POLR1H: variants seen among roughly 807,000 people sequenced by gnomAD.
POLR1H encodes the protein DNA-directed RNA polymerase I subunit RPA12.
POLR1H carries 5 observed loss-of-function variants against 15.8 expected under a neutral mutation model. That is an observed-to-expected ratio of 0.32 (90% CI 0.17 to 0.67). POLR1H has a LOEUF of 0.67. Among genes scored for constraint, POLR1H ranks in the 30% least tolerant of loss-of-function variants. The pLI is 0.74. For missense variants in POLR1H, 100 were observed against 163.4 expected, an observed-to-expected ratio of 0.61 and a Z score of 2.11; for synonymous variants, 43 against 58.3, an observed-to-expected ratio of 0.74 and a Z score of 1.20.
Position 30,063,979 on chromosome 6 carries a change from A to G in POLR1H, c.357-694A>G, listed in dbSNP as rs1030070849. ...ATTTTTTCTTTTCTTGTTCACTTTT[A>G]CAAGAAAGGGCAGCCTTTTGCAGTT... On this transcript the variant is annotated intron_variant, in intron 3 of 3. Transcript: ENST00000332435. This position sits in a 1 kb window ranked among gnomAD's most constrained non-coding sequence, Gnocchi z 4.1. Among the ~76,000 whole-genome samples, 3 of 152,140 alleles carry G rather than the reference A, an allele frequency of 2.0e-5. No individual in the cohort carries two copies. The highest frequency in any genetic ancestry group is 4.4e-5 in the Non-Finnish European group (3 of 68,024).
In POLR1H at chr6:30,063,833, G is replaced by A. The variant is rs1407799485; in HGVS notation, c.357-840G>A. Among the ~76,000 whole-genome samples the A allele has an allele frequency of 6.6e-6, 1 of 152,214 alleles. No homozygotes were observed. Among genetic ancestry groups the A allele is most frequent in the African/African-American group, 2.4e-5 (1 of 41,454 alleles). On this transcript the variant is annotated intron_variant, in intron 3 of 3. Coordinates refer to ENST00000332435, the MANE Select transcript of POLR1H (RefSeq NM_170783.4). This position sits in a 1 kb window ranked among gnomAD's most constrained non-coding sequence, Gnocchi z 4.1. ...GGCTTCATGTTTTTTGGAGCAGACA[G>A]ATAGTATGAATTTGAGCTGCAAATC...
chr6:30,061,954 C>G lies in POLR1H; in HGVS notation c.183C>G (p.Phe61Leu). 6.2e-7 allele frequency: 1 copy of G among 1,613,084 alleles called. No homozygotes were observed. Among genetic ancestry groups the G allele is most frequent in the South Asian group, 1.1e-5 (1 of 91,080 alleles). Residue 61 changes from phenylalanine to leucine, a missense_variant, in exon 2 of 4, where the codon TTC (phenylalanine) becomes TTG (leucine). Transcript: ENST00000332435. The surrounding 1 kb of genome is among the most constrained non-coding windows in gnomAD (Gnocchi z 5.0). Reference protein sequence around the residue: ...EGKVVKTSVVFHQLGTAMPMS... With the variant: ...EGKVVKTSVVLHQLGTAMPMS... ...AGGTTGTGAAGACTTCGGTTGTGTTCCACCAACTGGGGACAGCCATGCCTA... is the reference window on the plus strand; with the variant it reads ...AGGTTGTGAAGACTTCGGTTGTGTTGCACCAACTGGGGACAGCCATGCCTA...
Position 30,064,045 on chromosome 6 carries a change from T to C in POLR1H, c.357-628T>C, listed in dbSNP as rs375755578. 2.5e-4 allele frequency among the ~76,000 whole-genome samples: 38 copies of C among 152,302 alleles called. 1 individual carries two copies. In the East Asian group the frequency reaches 3.5e-3, roughly 14 times the overall value. Reference sequence around the variant, plus strand: ...GGGATCTCCTATCAGACCTTATACATTTTGTCCCTCATTTCCTATGCTTCC... The same window carrying C: ...GGGATCTCCTATCAGACCTTATACACTTTGTCCCTCATTTCCTATGCTTCC... On this transcript the variant is annotated intron_variant, in intron 3 of 3. Transcript: ENST00000332435.
Position 30,062,268 on chromosome 6 carries a change from C to T in POLR1H, c.291C>T (p.Tyr97=), listed in dbSNP as rs902430005. ...GATGTGGTCATGAAGGAATGGCATA[C>T]CACACCAGACAGATGCGTTCAGCCG... ...CPRCGHEGMA[Y]HTRQMRSADE... Residue 97 remains tyrosine (Y), a synonymous_variant, in exon 3 of 4, where the codon TAC becomes TAT. Transcript: ENST00000332435. 3 of 1,612,992 alleles carry T rather than the reference C, an allele frequency of 1.9e-6. No individual in the cohort carries two copies. In the African/African-American group the frequency reaches 4.0e-5, roughly 22 times the overall value.
At chr6:30,062,714 C>CTTTTTTTT (rs9278555) in intron 3 of POLR1H, among the ~76,000 whole-genome samples, 24 of 42,388 alleles carry the variant, frequency 5.7e-4, no homozygotes, top group East Asian at 3.8e-3. Flanking sequence ...CCACGCCTGG[C>CTTTTTTTT]TTTTTTTTTT....
In POLR1H at chr6:30,064,677, C is replaced by T. The variant is rs1465313012; in HGVS notation, c.361C>T (p.Gln121Ter). ...AAGTCCTTTCTTTCCTCATAGGTTC[C>T]AGGAGAAGGAAGACTCTTGACCTTT... ...VFYTCTNCKFQEKEDS is the reference protein window; with the variant it reads ...VFYTCTNCKF The change falls in exon 4 of 4, where the codon CAG (glutamine) becomes TAG (stop). Residue 121 changes from glutamine (Q) to a stop codon, truncating the protein, a stop_gained. Coordinates refer to ENST00000332435, the MANE Select transcript of POLR1H (RefSeq NM_170783.4). LOFTEE classifies it high-confidence loss of function. The T allele has an allele frequency of 1.9e-6, 3 of 1,607,552 alleles. No homozygotes were observed. In the South Asian group the frequency reaches 3.3e-5, roughly 18 times the overall value.
rs1765380952 is a variant in POLR1H at position 30,064,843 on chromosome 6, C to T, written c.*146C>T. On this transcript the variant is annotated 3_prime_UTR_variant, in exon 4 of 4. Transcript: ENST00000332435. ...TCATCATGTGGGGATTACCATTGTT[C>T]CTGGAGTACTCCTACCCTTAGTTGA... 5 of 598,976 alleles carry T rather than the reference C, an allele frequency of 8.3e-6. No individual in the cohort carries two copies. Among genetic ancestry groups the T allele is most frequent in the South Asian group, 2.4e-5 (1 of 41,964 alleles). The allele number at this position is 598,976 out of a possible 1,614,324, so 37.1% of individuals were successfully genotyped here. A position where few individuals can be genotyped will look rare whatever the true frequency, so the allele number is the denominator to read the frequency against.
At chr6:30,062,714 CTTTTTTTTTTTTTTT>C (rs9278555) in intron 3 of POLR1H, among the ~76,000 whole-genome samples, 42 of 42,388 alleles carry the variant, frequency 9.9e-4, no homozygotes, top group Admixed American at 1.8e-3. Flanking sequence ...CCACGCCTGG[CTTTTTTTTTTTTTTT>C]TTTTTTTTTT....
In POLR1H at chr6:30,062,031, A is replaced by G; in HGVS notation, c.246+14A>G. The G allele has an allele frequency of 6.2e-7, 1 of 1,609,278 alleles. No homozygotes were observed. The highest frequency in any genetic ancestry group is 1.1e-5 in the South Asian group (1 of 91,022). ...CAGGGACCTGTGGTAAGCTAATGAG[A>G]TCAAGAACTGGCTCCATAAGGTGGG... On this transcript the variant is annotated intron_variant, in intron 2 of 3. Transcript: ENST00000332435.
At chr6:30,060,660 T>C (rs1316756458), upstream of POLR1H, 1 of 152,276 alleles carries the variant, frequency 6.6e-6, no homozygotes, top group African/African-American at 2.4e-5. Flanking sequence ...ACTTCATCCC[T>C]GCTTCCTTTC....
intron 2 of POLR1H, 98 bp from the exon 3 acceptor site, chr6:30,062,126 G>A (rs1765128556): frequency 6.9e-7 from 1 of 1,447,096 alleles, no homozygotes; most frequent in Admixed American, 1.7e-5. Context: ...AGGGAAAAGA[G>A]ATGTAAACCA....
chr6:30,061,877 T>G lies in POLR1H; in HGVS notation c.146-40T>G. On this transcript the variant is annotated intron_variant, in intron 1 of 3. Transcript: ENST00000332435. This position sits in a 1 kb window ranked among gnomAD's most constrained non-coding sequence, Gnocchi z 5.0. Reference sequence around the variant, plus strand: ...GGGGAGGTTTCCGGTGTCAGCTCTCTCTGGTTGTCTCCATAACCAGTTCTT... The same window carrying G: ...GGGGAGGTTTCCGGTGTCAGCTCTCGCTGGTTGTCTCCATAACCAGTTCTT... 1 of 1,600,078 alleles carries G rather than the reference T, an allele frequency of 6.2e-7. No homozygotes were observed. The highest frequency in any genetic ancestry group is 1.1e-5 in the South Asian group (1 of 90,762).
At position 30,061,826 on chromosome 6, in the gene POLR1H, C is replaced by T. The variant is rs1765099851; in HGVS notation, c.146-91C>T. ...AAAACTGAGGGAAAGGATGTAGGGC[C>T]TCCTGGCCTAACCAGCCAGGGGAAA... On this transcript the variant is annotated intron_variant, in intron 1 of 3. Coordinates refer to ENST00000332435, the MANE Select transcript of POLR1H (RefSeq NM_170783.4). This position sits in a 1 kb window ranked among gnomAD's most constrained non-coding sequence, Gnocchi z 5.0. 1.3e-6 allele frequency: 2 copies of T among 1,556,084 alleles called. No individual in the cohort carries two copies. The highest frequency in any genetic ancestry group is 1.7e-5 in the Admixed American group (1 of 58,292).
At position 30,062,306 on chromosome 6, in the gene POLR1H, CTG is replaced by C; in HGVS notation, c.331_332del (p.Val111LeufsTer72). ...ATGCGTTCAGCCGATGAAGGGCAAA[CTG>C]TCTTCTACACCTGTACCAACTGCAA... On this transcript the variant is annotated frameshift_variant, in exon 3 of 4. Coordinates refer to ENST00000332435, the MANE Select transcript of POLR1H (RefSeq NM_170783.4). LOFTEE classifies it high-confidence loss of function. The C allele has an allele frequency of 6.2e-7, 1 of 1,612,760 alleles. No individual in the cohort carries two copies. The highest frequency in any genetic ancestry group is 1.1e-5 in the South Asian group (1 of 91,072).
chr6:30,063,969 G>T lies in POLR1H; in HGVS notation c.357-704G>T, dbSNP rs1291441912. On this transcript the variant is annotated intron_variant, in intron 3 of 3. Transcript: ENST00000332435. This position sits in a 1 kb window ranked among gnomAD's most constrained non-coding sequence, Gnocchi z 4.1. ...ATAGAGTTGAATTTTTTCTTTTCTT[G>T]TTCACTTTTACAAGAAAGGGCAGCC... 1.3e-5 allele frequency among the ~76,000 whole-genome samples: 2 copies of T among 151,906 alleles called. No homozygotes were observed. The highest frequency in any genetic ancestry group is 4.8e-5 in the African/African-American group (2 of 41,340).
chr6:30,061,692 T>C lies in POLR1H; in HGVS notation c.145+23T>C. ...GGGGTGAGAGGCTTGTACGCAGGGG[T>C]CCTGGCGGAGGGCGCAGGGTCGGAA... On this transcript the variant is annotated intron_variant, in intron 1 of 3. Transcript: ENST00000332435. The surrounding 1 kb of genome is among the most constrained non-coding windows in gnomAD (Gnocchi z 5.0). 1 of 1,611,868 alleles carries C rather than the reference T, an allele frequency of 6.2e-7. No individual in the cohort carries two copies. Among genetic ancestry groups the C allele is most frequent in the Non-Finnish European group, 8.5e-7 (1 of 1,179,252 alleles).
Position 30,061,633 on chromosome 6 carries a change from A to C in POLR1H, c.109A>C (p.Thr37Pro). Residue 37 changes from threonine (T) to proline (P), a missense_variant, in exon 1 of 4, where the codon ACC becomes CCC. Transcript: ENST00000332435. This position sits in a 1 kb window ranked among gnomAD's most constrained non-coding sequence, Gnocchi z 5.0. ...TCTGCCCGGGGCTCAGGATACGGTC[A>C]CCTGTATTCGCTGTGGCTTCAACAT... ...LPLPGAQDTV[T>P]CIRCGFNINV... 1 of 1,613,020 alleles carries C rather than the reference A, an allele frequency of 6.2e-7. No individual in the cohort carries two copies. Among genetic ancestry groups the C allele is most frequent in the Non-Finnish European group, 8.5e-7 (1 of 1,180,032 alleles).
chr6:30,064,718 A>G lies in POLR1H; in HGVS notation c.*21A>G, dbSNP rs1048412. Reference sequence around the variant, plus strand: ...CTTGACCTTTTTCCTGGGCAACTCTACAGTCCCTCCCTCCTTTCGGAAGGT... The same window carrying G: ...CTTGACCTTTTTCCTGGGCAACTCTGCAGTCCCTCCCTCCTTTCGGAAGGT... On this transcript the variant is annotated 3_prime_UTR_variant, in exon 4 of 4. Coordinates refer to ENST00000332435, the MANE Select transcript of POLR1H (RefSeq NM_170783.4). 0.12 allele frequency: 199,931 copies of G among 1,605,336 alleles called. 15,601 individuals are homozygous for G. Among genetic ancestry groups the G allele is most frequent in the African/African-American group, 0.27 (20,399 of 74,464 alleles).
At chr6:30,060,843 G>A (rs1018203213), upstream of POLR1H, 1 of 152,184 alleles carries the variant, frequency 6.6e-6, no homozygotes, top group Non-Finnish European at 1.5e-5. Context: ...AGAACTATAC[G>A]TCCCAGAACA....
Sources: allele counts gnomAD v4.1 joint callset (sites outside exome capture counted in the v4.1 genomes callset), GRCh38; gene constraint gnomAD v4.1.1; non-coding constraint Gnocchi (gnomAD v3.1); transcripts MANE v1.5; gene names NCBI Gene and HGNC (gene_info 2026-07-23, HGNC 2026-07-21).